The following SORCS3 variants were observed in gnomAD, a reference collection of about 807,000 sequenced individuals.
The protein encoded by SORCS3 is sortilin related VPS10 domain containing receptor 3.
In SORCS3, 57 loss-of-function variants were observed where a neutral mutation model predicts 146.3. The ratio of observed to expected loss-of-function variants is 0.39; its 90% confidence interval spans 0.31 to 0.49. SORCS3 has a LOEUF of 0.49. Among genes scored for constraint, SORCS3 ranks in the 20% least tolerant of loss-of-function variants. SORCS3 has a pLI of 0.92. For synonymous variants in SORCS3, 653 were observed against 618.5 expected (o/e 1.06, Z -0.83); for missense variants, 1,341 against 1,575.5 (o/e 0.85, Z 2.52).
rs749161840 is a variant in SORCS3 at position 105,164,329 on chromosome 10, A to G, written c.1759A>G (p.Thr587Ala). The G allele has an allele frequency of 5.0e-6, 8 of 1,613,660 alleles. No individual in the cohort carries two copies. Among genetic ancestry groups the G allele is most frequent in the Non-Finnish European group, 6.8e-6 (8 of 1,179,712 alleles). The change falls in exon 12 of 27, where the codon ACT becomes GCT. Residue 587 changes from threonine to alanine, a missense_variant. Thr to Ala is a moderately conservative substitution (Grantham distance 58). Coordinates refer to ENST00000369701, the MANE Select transcript of SORCS3 (RefSeq NM_014978.3). ...CAACATTGGCCCGGAGCTCTCATAT[A>G]CTGATATTGGTGTGTTCATCTCCTC... Reference protein sequence around the residue: ...TGNIGPELSYTDIGVFISSDG... With the variant: ...TGNIGPELSYADIGVFISSDG...
Position 105,189,362 on chromosome 10 carries a change from G to C in SORCS3, c.2010-10637G>C, listed in dbSNP as rs76590698. Among the ~76,000 whole-genome samples, 989 of 152,278 alleles carry C rather than the reference G, an allele frequency of 6.5e-3. 15 individuals carry two copies. The highest frequency in any genetic ancestry group is 0.053 in the East Asian group (274 of 5,174). On this transcript the variant is annotated intron_variant, in intron 14 of 26. Coordinates refer to ENST00000369701, the MANE Select transcript of SORCS3 (RefSeq NM_014978.3). ...TTTGATCCAATAAAGTGAGAGGAAA[G>C]GCTGTGCAGGGGAATGCCACGTCTT...
At chr10:105,003,777 C>T (rs953858792) in intron 4 of SORCS3, among the ~76,000 whole-genome samples, 2 of 152,080 alleles carry the variant, frequency 1.3e-5, no homozygotes, top group African/African-American at 4.8e-5. Flanking sequence ...TTCCTGTGCA[C>T]TTGGGAACTG....
chr10:105,258,009 TTTAGG>T (rs1391578118), intron 25 of SORCS3, among the ~76,000 whole-genome samples: 3 of 152,120 alleles, frequency 2.0e-5, no homozygotes, highest in Admixed American at 1.3e-4. Flanking sequence ...AGATAATGCT[TTTAGG>T]TTTTGGTAGA....
intron 1 of SORCS3, among the ~76,000 whole-genome samples, chr10:104,821,941 T>C (rs908039592): frequency 3.9e-5 from 6 of 152,188 alleles, no homozygotes; most frequent in African/African-American, 7.2e-5. Context: ...TACAAGGTTA[T>C]TGGAATAAAA....
intron 1 of SORCS3, among the ~76,000 whole-genome samples, chr10:104,712,834 T>C (rs914541978): frequency 6.6e-6 from 1 of 152,172 alleles, no homozygotes; most frequent in African/African-American, 2.4e-5. Flanking sequence ...AAGCACCTAC[T>C]GTGTGATGGG....
At chr10:104,986,306 A>G (rs2054962008) in intron 4 of SORCS3, among the ~76,000 whole-genome samples, 1 of 152,042 alleles carries the variant, frequency 6.6e-6, no homozygotes, top group Non-Finnish European at 1.5e-5. Context: ...TAGCTTCTTC[A>G]CCTCTCTCAG....
intron 7 of SORCS3, among the ~76,000 whole-genome samples, chr10:105,113,591 C>G (rs193186688): frequency 6.6e-6 from 1 of 152,278 alleles, no homozygotes; most frequent in African/African-American, 2.4e-5. Flanking sequence ...ACCACCCACA[C>G]AGCTCCTACT....
At chr10:104,889,216 T>C (rs2018723494) in intron 2 of SORCS3, among the ~76,000 whole-genome samples, 1 of 151,906 alleles carries the variant, frequency 6.6e-6, no homozygotes, top group Non-Finnish European at 1.5e-5. Context: ...AGACACCATC[T>C]AGTTGAGACT....
intron 3 of SORCS3, among the ~76,000 whole-genome samples, chr10:104,971,842 A>C (rs2054862346): frequency 6.6e-6 from 1 of 152,162 alleles, no homozygotes; most frequent in Non-Finnish European, 1.5e-5. Context: ...ATAGATGAAC[A>C]TGGTGTTATG....
At chr10:104,800,058 A>G (rs946335725) in intron 1 of SORCS3, among the ~76,000 whole-genome samples, 3 of 152,182 alleles carry the variant, frequency 2.0e-5, no homozygotes, top group African/African-American at 2.4e-5. Flanking sequence ...AACTTTATAC[A>G]TAATTGCCAA....
At chr10:105,171,580 A>G (rs1349449102) in intron 13 of SORCS3, among the ~76,000 whole-genome samples, 1 of 152,210 alleles carries the variant, frequency 6.6e-6, no homozygotes, top group East Asian at 1.9e-4. Context: ...TGTTCAGAGA[A>G]ACTTTCAAAT....
intron 21 of SORCS3, 109 bp downstream of exon 21, chr10:105,245,774 A>C: frequency 1.5e-6 from 2 of 1,359,696 alleles, no homozygotes; most frequent in South Asian, 2.9e-5. Context: ...GCCCTGGGAA[A>C]ATTACATAGG....
chr10:104,896,583 G>A (rs538122274), intron 2 of SORCS3, among the ~76,000 whole-genome samples: 4 of 152,358 alleles, frequency 2.6e-5, no homozygotes, highest in Admixed American at 2.6e-4. Context: ...GACCACAGTA[G>A]GGATGGGGCA....
intron 1 of SORCS3, among the ~76,000 whole-genome samples, chr10:104,724,437 T>C (rs1021282990): frequency 7.2e-5 from 11 of 152,170 alleles, no homozygotes; most frequent in African/African-American, 2.7e-4. Context: ...CTTTGGTGAA[T>C]CTGACAATTA....
intron 4 of SORCS3, among the ~76,000 whole-genome samples, chr10:105,020,368 C>G (rs1351865651): frequency 6.6e-6 from 1 of 152,162 alleles, no homozygotes; most frequent in African/African-American, 2.4e-5. Flanking sequence ...TCAGGATGAA[C>G]TACAAGCTTA....
intron 1 of SORCS3, among the ~76,000 whole-genome samples, chr10:104,789,357 C>T (rs985453081): frequency 1.3e-5 from 2 of 152,208 alleles, no homozygotes; most frequent in Non-Finnish European, 1.5e-5. Flanking sequence ...GAAAATTGAC[C>T]GGATAGCCAG....
intron 1 of SORCS3, among the ~76,000 whole-genome samples, chr10:104,664,129 T>G (rs1258612972): frequency 6.6e-6 from 1 of 152,018 alleles, no homozygotes. Flanking sequence ...TCAGATGCAT[T>G]GGGGAAGAAG....
At chr10:105,214,885 A>G (rs1312908840) in intron 18 of SORCS3, among the ~76,000 whole-genome samples, 1 of 152,204 alleles carries the variant, frequency 6.6e-6, no homozygotes, top group Non-Finnish European at 1.5e-5. Context: ...GGTCTCCATT[A>G]AAGTCTGCTT....
At chr10:104,836,848 C>T (rs1386247411) in intron 1 of SORCS3, among the ~76,000 whole-genome samples, 1 of 151,968 alleles carries the variant, frequency 6.6e-6, no homozygotes, top group East Asian at 1.9e-4. Context: ...AATGCTGCCC[C>T]TACCTCCTGC....
Sources: allele counts gnomAD v4.1 joint callset (sites outside exome capture counted in the v4.1 genomes callset), GRCh38; gene constraint gnomAD v4.1.1; transcripts MANE v1.5; gene names NCBI Gene and HGNC (gene_info 2026-07-23, HGNC 2026-07-21).